Variants in ZHX2 observed in about 807,000 individuals in gnomAD.
The protein encoded by ZHX2 is zinc fingers and homeoboxes protein 2.
In ZHX2, 6 loss-of-function variants were observed where a neutral mutation model predicts 21.9. The ratio of observed to expected loss-of-function variants is 0.27; its 90% CI spans 0.15 to 0.54. ZHX2 has a LOEUF of 0.54. Among genes scored for constraint, ZHX2 ranks in the 20% least tolerant of loss-of-function variants. ZHX2 has a pLI of 0.95. For missense variants in ZHX2, 908 were observed against 1,090.7 expected, an observed-to-expected ratio of 0.83 and a Z score of 2.36; for synonymous variants, 434 against 437.1, an observed-to-expected ratio of 0.99 and a Z score of 0.09.
intron 1 of ZHX2, among the ~76,000 whole-genome samples, chr8:122,804,918 C>T (rs1364219864): frequency 1.3e-5 from 2 of 152,166 alleles, no homozygotes; most frequent in Admixed American, 6.5e-5. Context: ...GTGCACACAG[C>T]GGCCACTCTG....
rs1403146033 is a variant in ZHX2 at position 122,953,850 on chromosome 8, G to A, written c.2340G>A (p.Gln780=). 3.1e-6 allele frequency: 5 copies of A among 1,614,140 alleles called. No individual in the cohort carries two copies. In the Admixed American group the frequency reaches 8.3e-5, roughly 27 times the overall value. ...DRSEGSSRDG[Q]GSDENEESSV... is the part of the protein sequence containing the mutation. ...CAGAGGGCAGCAGCCGGGACGGCCA[G>A]GGTAGCGACGAGAACGAGGAGTCGA... The change falls in exon 3 of 4, where the codon CAG becomes CAA. Residue 780 remains glutamine (Q), a synonymous_variant. Transcript: ENST00000314393. This position sits in a 1 kb window ranked among gnomAD's most constrained non-coding sequence, Gnocchi z 4.6.
intron 2 of ZHX2, among the ~76,000 whole-genome samples, chr8:122,932,311 TTC>T (rs1491067607): frequency 2.7e-5 from 1 of 37,364 alleles, no homozygotes; most frequent in Non-Finnish European, 9.0e-5. Flanking sequence ...CACAAGTTTA[TTC>T]TCTTTAATTT....
At chr8:122,874,373 T>C (rs1430230187) in intron 2 of ZHX2, among the ~76,000 whole-genome samples, 6 of 152,214 alleles carry the variant, frequency 3.9e-5, no homozygotes, top group East Asian at 3.9e-4. Context: ...CAGACTGGAG[T>C]GCCAATCTCA....
At chr8:122,907,059 C>T (rs552671441) in intron 2 of ZHX2, among the ~76,000 whole-genome samples, 6 of 152,278 alleles carry the variant, frequency 3.9e-5, no homozygotes, top group East Asian at 3.9e-4. Flanking sequence ...AAGGCCTATT[C>T]GATCGCAGTG....
chr8:122,821,084 G>A (rs978983484), intron 1 of ZHX2, among the ~76,000 whole-genome samples: 4 of 152,206 alleles, frequency 2.6e-5, no homozygotes, highest in Non-Finnish European at 5.9e-5. Flanking sequence ...AAGCCACACA[G>A]CCGTTCACAT....
In ZHX2 at chr8:122,953,631, C is replaced by G. The variant is rs186468091; in HGVS notation, c.2121C>G (p.Ala707=). ...TGGCAGATGATCACGGCTACGATGC[C>G]GTAGCAAGGAAAGCAACAAAACCCA... ...QPMADDHGYD[A]VARKATKPMA... Residue 707 remains alanine, a synonymous_variant, in exon 3 of 4, where the codon GCC becomes GCG. Coordinates refer to ENST00000314393, the MANE Select transcript of ZHX2 (RefSeq NM_014943.5). The surrounding 1 kb of genome is among the most constrained non-coding windows in gnomAD (Gnocchi z 4.6). 6 of 1,614,032 alleles carry G rather than the reference C, an allele frequency of 3.7e-6. No homozygotes were observed. The African/African-American group carries it at 8.0e-5, about 22-fold the overall frequency.
chr8:122,905,245 A>G (rs1296215220), intron 2 of ZHX2, among the ~76,000 whole-genome samples: 2 of 152,256 alleles, frequency 1.3e-5, no homozygotes, highest in Non-Finnish European at 2.9e-5. Context: ...AAGACACATC[A>G]TACTCAAATG....
intron 1 of ZHX2, among the ~76,000 whole-genome samples, chr8:122,805,439 A>G (rs1244670398): frequency 6.6e-6 from 1 of 152,192 alleles, no homozygotes; most frequent in Non-Finnish European, 1.5e-5. Flanking sequence ...CAGCAAGGAA[A>G]CACAGGTACC....
rs544889528 is a variant in ZHX2, at chr8:122,961,043, C to T, written c.*4+7015C>T. 2.6e-5 allele frequency among the ~76,000 whole-genome samples: 4 copies of T among 152,348 alleles called. No homozygotes were observed. In the East Asian group the frequency reaches 7.7e-4, roughly 29 times the overall value. ...CCTTAATACTTACTGTATTAGTCAG[C>T]TAAGGCTGCCAGAACAGAATGTCAC... On this transcript the variant is annotated intron_variant, in intron 3 of 3. Coordinates refer to ENST00000314393, the MANE Select transcript of ZHX2 (RefSeq NM_014943.5).
chr8:122,876,325 C>T (rs1819572197), intron 2 of ZHX2, among the ~76,000 whole-genome samples: 1 of 152,102 alleles, frequency 6.6e-6, no homozygotes, highest in Non-Finnish European at 1.5e-5. Context: ...TGCTGCAATT[C>T]GGGCAGCACC....
intron 2 of ZHX2, among the ~76,000 whole-genome samples, chr8:122,871,143 C>T (rs895389962): frequency 1.8e-4 from 27 of 152,066 alleles, no homozygotes; most frequent in African/African-American, 6.3e-4. Flanking sequence ...TTGGAGAGAT[C>T]GTTTAACTTT....
At chr8:122,839,115 A>G (rs1364632819) in intron 1 of ZHX2, among the ~76,000 whole-genome samples, 1 of 151,902 alleles carries the variant, frequency 6.6e-6, no homozygotes, top group East Asian at 1.9e-4. Flanking sequence ...AGGGAACCCC[A>G]CTATACCCTC....
chr8:122,965,644 C>T (rs914260220), intron 3 of ZHX2, among the ~76,000 whole-genome samples: 5 of 152,162 alleles, frequency 3.3e-5, no homozygotes, highest in African/African-American at 9.6e-5. Context: ...GTAGAACATT[C>T]GGAAAATATC....
At chr8:122,849,705 T>G (rs1353733597) in intron 1 of ZHX2, among the ~76,000 whole-genome samples, 3 of 152,190 alleles carry the variant, frequency 2.0e-5, no homozygotes, top group Non-Finnish European at 2.9e-5. Flanking sequence ...TTGAGATCCT[T>G]AACTTAATTA....
chr8:122,807,313 G>T (rs1355309958), intron 1 of ZHX2, among the ~76,000 whole-genome samples: 1 of 152,160 alleles, frequency 6.6e-6, no homozygotes, highest in Non-Finnish European at 1.5e-5. Flanking sequence ...GGTAATGGAG[G>T]AAATGGTTCA....
intron 1 of ZHX2, among the ~76,000 whole-genome samples, chr8:122,820,750 T>C (rs1294591643): frequency 1.3e-5 from 2 of 152,120 alleles, no homozygotes; most frequent in African/African-American, 4.8e-5. Flanking sequence ...ACGAGATGGT[T>C]TTATGGGTGC....
chr8:122,892,645 C>T (rs1026342608), intron 2 of ZHX2, among the ~76,000 whole-genome samples: 3 of 152,060 alleles, frequency 2.0e-5, no homozygotes, highest in African/African-American at 7.2e-5. Flanking sequence ...CCTTTTGCTT[C>T]TAGATATAGG....
chr8:122,927,210 C>A (rs1490629607), intron 2 of ZHX2, among the ~76,000 whole-genome samples: 1 of 152,102 alleles, frequency 6.6e-6, no homozygotes, highest in Admixed American at 6.6e-5. Flanking sequence ...AAGATATACC[C>A]CAGGCCAGGC....
At chr8:122,912,142 G>T (rs1820496276) in intron 2 of ZHX2, among the ~76,000 whole-genome samples, 1 of 152,174 alleles carries the variant, frequency 6.6e-6, no homozygotes, top group South Asian at 2.1e-4. Flanking sequence ...TCATAACCTT[G>T]ACCCTTACCC....
Sources: gnomAD v4.1 joint callset for allele counts (sites outside exome capture counted in the v4.1 genomes callset) on GRCh38, gnomAD v4.1.1 for gene constraint, Gnocchi (gnomAD v3.1) non-coding constraint, MANE v1.5 for transcripts, NCBI Gene and HGNC (gene_info 2026-07-23, HGNC 2026-07-21) for gene names.